Variants in PCDH9 observed in about 807,000 individuals in gnomAD.
PCDH9 encodes protocadherin-9.
Under a neutral mutation model 70.6 loss-of-function variants are expected in PCDH9, and 24 were observed. That is an observed-to-expected ratio of 0.34 (90% CI 0.25 to 0.48). The LOEUF is 0.48. PCDH9 is among the 20% of genes least tolerant of loss of function. PCDH9 has a pLI of 0.99. For missense variants in PCDH9, 1,281 were observed against 1,503.6 expected, an observed-to-expected ratio of 0.85 and a Z score of 2.45; for synonymous variants, 562 against 558.5, an observed-to-expected ratio of 1.01 and a Z score of -0.09.
chr13:66,938,905 TA>T (rs1283037450), intron 2 of PCDH9, among the ~76,000 whole-genome samples: 1 of 152,188 alleles, frequency 6.6e-6, no homozygotes, highest in Non-Finnish European at 1.5e-5. Flanking sequence ...AATAGAATTA[TA>T]AAAATTGCAT....
At chr13:66,773,556 G>A (rs1004989481) in intron 3 of PCDH9, among the ~76,000 whole-genome samples, 3 of 151,362 alleles carry the variant, frequency 2.0e-5, no homozygotes, top group African/African-American at 7.3e-5. Flanking sequence ...CGTGAACCCG[G>A]GAGGCGGAGC....
chr13:66,757,574 A>G (rs1375915612), intron 3 of PCDH9, among the ~76,000 whole-genome samples: 1 of 152,108 alleles, frequency 6.6e-6, no homozygotes, highest in Admixed American at 6.5e-5. Flanking sequence ...AACAGACTAG[A>G]GAATCTACTT....
intron 2 of PCDH9, chr13:67,209,532 A>AGAT (rs2138077712): frequency 6.6e-6 from 1 of 152,236 alleles, no homozygotes; most frequent in African/African-American, 2.4e-5. Flanking sequence ...ATCTCTATCA[A>AGAT]AAACACCAAA....
chr13:67,168,321 T>A (rs1227512237), intron 2 of PCDH9, among the ~76,000 whole-genome samples: 1 of 152,146 alleles, frequency 6.6e-6, no homozygotes, highest in Non-Finnish European at 1.5e-5. Flanking sequence ...TTCTGAGGGC[T>A]GATACAGAAC....
chr13:67,182,004 T>A (rs945492752), intron 2 of PCDH9, among the ~76,000 whole-genome samples: 1 of 152,148 alleles, frequency 6.6e-6, no homozygotes, highest in Non-Finnish European at 1.5e-5. Context: ...TGGTGGTTCC[T>A]CTCCTCCTGC....
chr13:66,888,633 T>C (rs1016557306), intron 3 of PCDH9, among the ~76,000 whole-genome samples: 30 of 151,762 alleles, frequency 2.0e-4, no homozygotes, highest in African/African-American at 7.0e-4. Flanking sequence ...AAGAGAAAGA[T>C]GGGCCTTAGA....
At chr13:67,041,000 C>A (rs1347685722) in intron 2 of PCDH9, among the ~76,000 whole-genome samples, 1 of 151,888 alleles carries the variant, frequency 6.6e-6, no homozygotes, top group Non-Finnish European at 1.5e-5. Context: ...ATTTTTGAAA[C>A]TTCTTCATCC....
chr13:66,796,829 G>C (rs2080249544), intron 3 of PCDH9, among the ~76,000 whole-genome samples: 1 of 152,100 alleles, frequency 6.6e-6, no homozygotes, highest in Non-Finnish European at 1.5e-5. Context: ...ATTAACGGTT[G>C]AAGAAGAAAA....
rs191092696 is a variant in PCDH9 at position 66,774,478 on chromosome 13, C to T, written c.3138+129026G>A. 4.4e-3 allele frequency among the ~76,000 whole-genome samples: 667 copies of T among 152,150 alleles called. 2 individuals carry two copies. Among genetic ancestry groups the T allele is most frequent in the Non-Finnish European group, 6.5e-3 (439 of 68,010 alleles). ...ATTTTTTTTTTAACTCTGGAGGGAA[C>T]TCATCAGCAAATTTTAAAAGTTATT... On this transcript the variant is annotated intron_variant, in intron 3 of 4. Coordinates refer to ENST00000377865, the MANE Select transcript of PCDH9 (RefSeq NM_203487.3).
chr13:66,771,816 T>A (rs2079812324), intron 3 of PCDH9, among the ~76,000 whole-genome samples: 1 of 152,188 alleles, frequency 6.6e-6, no homozygotes, highest in South Asian at 2.1e-4. Flanking sequence ...GGAATTATCA[T>A]CAATATTAAA....
At chr13:67,222,100 A>G (rs536509392) in intron 2 of PCDH9, 59 of 152,304 alleles carry the variant, frequency 3.9e-4, no homozygotes, top group Middle Eastern at 3.4e-3. Context: ...GAGAATCAGT[A>G]TCATATTTTA....
rs141935143 is a variant in PCDH9 at position 66,721,541 on chromosome 13, GT to G, written c.3139-90131del. Reference sequence around the variant, plus strand: ...TATGTCTGAGCGTGGATATTTTAGTGTTTTTTTTTCTTACTGTAGCATGACA... The same window carrying G: ...TATGTCTGAGCGTGGATATTTTAGTGTTTTTTTTCTTACTGTAGCATGACA... On this transcript the variant is annotated intron_variant, in intron 3 of 4. Coordinates refer to ENST00000377865, the MANE Select transcript of PCDH9 (RefSeq NM_203487.3). 7.5e-4 allele frequency among the ~76,000 whole-genome samples: 113 copies of G among 150,814 alleles called. 1 individual carries two copies. Among genetic ancestry groups the G allele is most frequent in the African/African-American group, 2.6e-3 (108 of 41,082 alleles).
At chr13:66,581,249 A>C (rs1453860218) in intron 4 of PCDH9, among the ~76,000 whole-genome samples, 1 of 152,296 alleles carries the variant, frequency 6.6e-6, no homozygotes, top group African/African-American at 2.4e-5. Context: ...AAGCAAATCA[A>C]AGTTTTAAAA....
chr13:67,218,949 A>G (rs756773602), intron 2 of PCDH9: 2 of 152,032 alleles, frequency 1.3e-5, no homozygotes, highest in African/African-American at 4.8e-5. Flanking sequence ...AAGGGAAAAT[A>G]TTTTCATATG....
chr13:66,346,222 C>CAA, intron 4 of PCDH9, among the ~76,000 whole-genome samples: 1 of 152,184 alleles, frequency 6.6e-6, no homozygotes, highest in East Asian at 1.9e-4. Flanking sequence ...AGGAACAAAA[C>CAA]AACAAGCATT....
intron 4 of PCDH9, among the ~76,000 whole-genome samples, chr13:66,336,313 T>C (rs569778388): frequency 2.6e-4 from 40 of 152,106 alleles, no homozygotes; most frequent in Non-Finnish European, 4.9e-4. Context: ...TGAGAATACA[T>C]GTTTGGATGG....
chr13:66,773,520 T>A (rs1489368777), intron 3 of PCDH9, among the ~76,000 whole-genome samples: 5 of 149,902 alleles, frequency 3.3e-5, no homozygotes, highest in South Asian at 2.1e-4. Flanking sequence ...AGTCCCAGCT[T>A]CTCGGAGGTT....
intron 4 of PCDH9, among the ~76,000 whole-genome samples, chr13:66,484,222 T>C (rs946080872): frequency 2.6e-5 from 4 of 152,162 alleles, no homozygotes; most frequent in Non-Finnish European, 4.4e-5. Flanking sequence ...GGGGGTCTAA[T>C]TGAGTTGGTT....
At chr13:67,219,332 G>T (rs2138110698) in intron 2 of PCDH9, 1 of 152,062 alleles carries the variant, frequency 6.6e-6, no homozygotes, top group Non-Finnish European at 1.5e-5. Flanking sequence ...CAATAGGTTT[G>T]TATCAAACAA....
Sources: allele counts gnomAD v4.1 joint callset (sites outside exome capture counted in the v4.1 genomes callset), GRCh38; gene constraint gnomAD v4.1.1; transcripts MANE v1.5; gene names NCBI Gene and HGNC (gene_info 2026-07-23, HGNC 2026-07-21).